Variants in CNTNAP5 observed in about 807,000 individuals in gnomAD.
CNTNAP5 encodes the protein contactin-associated protein-like 5.
Under a neutral mutation model 150.2 loss-of-function variants are expected in CNTNAP5, and 72 were observed. That is an observed-to-expected ratio of 0.48 (90% CI 0.40 to 0.58). CNTNAP5 has a LOEUF of 0.58. Among genes scored for constraint, CNTNAP5 ranks in the 20% least tolerant of loss-of-function variants. CNTNAP5 has a pLI of 0.00. For missense variants in CNTNAP5, 1,636 were observed against 1,626.2 expected (o/e 1.01, Z -0.10); for synonymous variants, 672 against 619.8 (o/e 1.08, Z -1.25).
chr2:124,280,967 T>C (rs889083359), intron 3 of CNTNAP5, among the ~76,000 whole-genome samples: 4 of 152,314 alleles, frequency 2.6e-5, no homozygotes, highest in African/African-American at 9.6e-5. Context: ...TACCAAGATA[T>C]TTCTTCTACT....
intron 21 of CNTNAP5, among the ~76,000 whole-genome samples, chr2:124,890,334 G>A (rs1437209985): frequency 2.6e-5 from 4 of 152,070 alleles, no homozygotes; most frequent in African/African-American, 9.7e-5. Flanking sequence ...ATTATAATGT[G>A]AGCTGATGCA....
intron 3 of CNTNAP5, among the ~76,000 whole-genome samples, chr2:124,325,050 C>T (rs965443563): frequency 2.0e-5 from 3 of 152,180 alleles, no homozygotes; most frequent in African/African-American, 7.2e-5. Flanking sequence ...GTTACCACAA[C>T]ATTCATATGT....
At chr2:124,252,259 T>C (rs1336155567) in intron 3 of CNTNAP5, among the ~76,000 whole-genome samples, 1 of 152,192 alleles carries the variant, frequency 6.6e-6, no homozygotes, top group Non-Finnish European at 1.5e-5. Flanking sequence ...CCTAAACCCC[T>C]TAATAGGCAC....
At chr2:124,298,618 C>T (rs1688498472) in intron 3 of CNTNAP5, among the ~76,000 whole-genome samples, 1 of 152,122 alleles carries the variant, frequency 6.6e-6, no homozygotes, top group South Asian at 2.1e-4. Context: ...TATCTTGTCT[C>T]CTGCTAAATC....
intron 1 of CNTNAP5, among the ~76,000 whole-genome samples, chr2:124,027,999 G>A (rs1478063860): frequency 6.6e-6 from 1 of 151,950 alleles, no homozygotes; most frequent in South Asian, 2.1e-4. Context: ...TAGGACTTGG[G>A]TTTATTTTTA....
chr2:124,151,983 T>C (rs1476765921), intron 1 of CNTNAP5, among the ~76,000 whole-genome samples: 1 of 152,192 alleles, frequency 6.6e-6, no homozygotes, highest in Non-Finnish European at 1.5e-5. Flanking sequence ...GGAAAATAAG[T>C]TTATAGGACA....
At chr2:124,787,078 C>T (rs1182091661) in intron 17 of CNTNAP5, among the ~76,000 whole-genome samples, 1 of 129,030 alleles carries the variant, frequency 7.8e-6, no homozygotes, top group Non-Finnish European at 1.8e-5. Flanking sequence ...AACCACCAAC[C>T]CCAGTCATCT....
chr2:124,689,955 A>T (rs952513161), intron 13 of CNTNAP5, among the ~76,000 whole-genome samples: 3 of 152,190 alleles, frequency 2.0e-5, no homozygotes, highest in South Asian at 4.1e-4. Context: ...AAGAGATGCC[A>T]AAAGGGGAAG....
chr2:124,228,372 C>T (rs779007215), intron 2 of CNTNAP5, among the ~76,000 whole-genome samples: 1 of 152,116 alleles, frequency 6.6e-6, no homozygotes, highest in African/African-American at 2.4e-5. Context: ...TCCATAAACA[C>T]CCTCACAGAT....
chr2:124,500,577 A>G (rs911665729), intron 7 of CNTNAP5, among the ~76,000 whole-genome samples: 1 of 152,194 alleles, frequency 6.6e-6, no homozygotes, highest in Non-Finnish European at 1.5e-5. Flanking sequence ...ACTCTGCAGA[A>G]TTCTTGCTAA....
chr2:124,647,753 G>T lies in CNTNAP5; in HGVS notation c.1877-5G>T. ...CTCTTGCTTTGTGTTGTGTTGTCTGGGCAGAGGACAAGATCTGGACATCAG... is the reference window on the plus strand; with the variant it reads ...CTCTTGCTTTGTGTTGTGTTGTCTGTGCAGAGGACAAGATCTGGACATCAG... On this transcript the variant is annotated splice_region_variant and splice_polypyrimidine_tract_variant and intron_variant, in intron 12 of 23. Transcript: ENST00000682447. 1 of 1,585,854 alleles carries T rather than the reference G, an allele frequency of 6.3e-7. No homozygotes were observed. The highest frequency in any genetic ancestry group is 8.6e-7 in the Non-Finnish European group (1 of 1,160,436).
chr2:124,597,525 T>A (rs985983012), intron 11 of CNTNAP5, among the ~76,000 whole-genome samples: 25 of 151,260 alleles, frequency 1.7e-4, no homozygotes, highest in Admixed American at 2.6e-4. Context: ...GTTAGTCTGA[T>A]GGGCTTCCCT....
chr2:124,713,381 T>TTCTTTCTTTCTC (rs1679878621), intron 13 of CNTNAP5, among the ~76,000 whole-genome samples: 1 of 140,376 alleles, frequency 7.1e-6, no homozygotes, highest in Non-Finnish European at 1.5e-5. Flanking sequence ...CTTTCTTTCT[T>TTCTTTCTTTCTC]CTCCCTCTTT....
chr2:124,096,432 T>G (rs1293247721), intron 1 of CNTNAP5, among the ~76,000 whole-genome samples: 1 of 152,198 alleles, frequency 6.6e-6, no homozygotes, highest in East Asian at 1.9e-4. Context: ...CTTGCCAATT[T>G]AATCAACTCA....
intron 3 of CNTNAP5, among the ~76,000 whole-genome samples, chr2:124,380,696 C>CA (rs1160509245): frequency 6.6e-6 from 1 of 152,144 alleles, no homozygotes; most frequent in Non-Finnish European, 1.5e-5. Flanking sequence ...CCCCTACCTC[C>CA]ACTCTCTTTT....
At position 124,870,744 on chromosome 2, in the gene CNTNAP5, T is replaced by G. The variant is rs372314900; in HGVS notation, c.3436+982T>G. On this transcript the variant is annotated intron_variant, in intron 21 of 23. Transcript: ENST00000682447. ...TAGTACTTACAGTGTGGGTTCTTTT[T>G]GGGGTCTTTTGGAATGACTTCCTCG... Among the ~76,000 whole-genome samples the G allele has an allele frequency of 2.9e-4, 44 of 152,276 alleles. 1 individual carries two copies. The highest frequency in any genetic ancestry group is 3.4e-3 in the Middle Eastern group (1 of 294).
At chr2:124,815,096 T>C (rs143638803) in intron 19 of CNTNAP5, among the ~76,000 whole-genome samples, 4 of 152,308 alleles carry the variant, frequency 2.6e-5, no homozygotes, top group East Asian at 3.9e-4. Flanking sequence ...ACGTTCCTGA[T>C]TTCCAGCTCT....
At chr2:124,788,694 C>T (rs142370051) in intron 17 of CNTNAP5, among the ~76,000 whole-genome samples, 16 of 151,310 alleles carry the variant, frequency 1.1e-4, no homozygotes, top group Admixed American at 4.6e-4. Flanking sequence ...TCCGCCTCCC[C>T]GGTTCAAGCT....
intron 19 of CNTNAP5, among the ~76,000 whole-genome samples, chr2:124,804,703 A>C (rs1218684661): frequency 1.3e-5 from 2 of 152,136 alleles, no homozygotes; most frequent in African/African-American, 4.8e-5. Context: ...GTCAGCCAGC[A>C]CTTGTGTTTG....
Sources: gnomAD v4.1 joint callset for allele counts (sites outside exome capture counted in the v4.1 genomes callset) on GRCh38, gnomAD v4.1.1 for gene constraint, MANE v1.5 for transcripts, NCBI Gene and HGNC (gene_info 2026-07-23, HGNC 2026-07-21) for gene names.